The following SLC17A6 variants were observed in gnomAD, a reference collection of about 807,000 sequenced individuals.
SLC17A6 encodes vesicular glutamate transporter 2.
A neutral mutation model predicts 67.1 loss-of-function variants in SLC17A6; 35 were observed. The observed-to-expected ratio is 0.52, with a 90% CI of 0.40 to 0.69. SLC17A6 has a LOEUF of 0.69. Among genes scored for constraint, SLC17A6 ranks in the 30% least tolerant of loss-of-function variants. The probability of loss-of-function intolerance (pLI) is 0.00; values close to 1 mark genes in which losing one functional copy is unlikely to be tolerated. For synonymous variants in SLC17A6, 285 were observed against 252.3 expected (o/e 1.13, Z -1.23); for missense variants, 588 against 723.9 (o/e 0.81, Z 2.15).
At chr11:22,365,746 C>G in intron 7 of SLC17A6, 57 bp downstream of exon 7, 1 of 1,527,840 alleles carries the variant, frequency 6.5e-7, no homozygotes, top group South Asian at 1.3e-5. Flanking sequence ...CCCCCATTGA[C>G]CAACCAAACT....
Position 22,340,041 on chromosome 11 carries a change from G to A in SLC17A6, c.86+1422G>A, listed in dbSNP as rs79498605. 2.3e-3 allele frequency among the ~76,000 whole-genome samples: 346 copies of A among 152,266 alleles called. 4 individuals are homozygous for A. Among genetic ancestry groups the A allele is most frequent in the African/African-American group, 7.4e-3 (308 of 41,558 alleles). On this transcript the variant is annotated intron_variant, in intron 1 of 11. Transcript: ENST00000263160. The stretch of plus-strand genomic sequence containing the variant: ...AATACCTTTATGACTTATTCTCCAG[G>A]TGCTACGTTATAGAATTCGGAAGCC...
At chr11:22,376,735 G>A (rs1199046444) in intron 11 of SLC17A6, 63 bp downstream of exon 11, 9 of 1,561,836 alleles carry the variant, frequency 5.8e-6, no homozygotes, top group Non-Finnish European at 7.9e-6. Context: ...TAATCTTTTT[G>A]GAAAAGAGTT....
chr11:22,367,317 G>A lies in SLC17A6; in HGVS notation c.891+1628G>A, dbSNP rs79375919. Among the ~76,000 whole-genome samples the A allele has an allele frequency of 1.4e-3, 218 of 151,310 alleles. 3 individuals carry two copies. The highest frequency in any genetic ancestry group is 1.5e-3 in the Non-Finnish European group (104 of 67,866). ...AAAGTCTATCACCCATTATTGTTGA[G>A]CCAAATTGGCCCTTAATGAATAAGA... On this transcript the variant is annotated intron_variant, in intron 7 of 11. Transcript: ENST00000263160.
At chr11:22,340,814 C>A (rs1855806371) in intron 1 of SLC17A6, among the ~76,000 whole-genome samples, 1 of 152,034 alleles carries the variant, frequency 6.6e-6, no homozygotes, top group African/African-American at 2.4e-5. Context: ...GAACTAGAGC[C>A]CTGGGGCGGG....
intron 3 of SLC17A6, among the ~76,000 whole-genome samples, chr11:22,349,642 G>A (rs1413664733): frequency 3.3e-5 from 5 of 152,202 alleles, no homozygotes; most frequent in Non-Finnish European, 7.3e-5. Context: ...AGAGAGTCAT[G>A]TGGGCAGCTG....
chr11:22,366,075 C>T (rs1235235847), intron 7 of SLC17A6, among the ~76,000 whole-genome samples: 1 of 151,912 alleles, frequency 6.6e-6, no homozygotes, highest in African/African-American at 2.4e-5. Flanking sequence ...CAGTAGTCCC[C>T]CCGCATCCTG....
intron 3 of SLC17A6, among the ~76,000 whole-genome samples, chr11:22,357,245 A>T (rs1357137634): frequency 6.6e-6 from 1 of 152,212 alleles, no homozygotes; most frequent in Non-Finnish European, 1.5e-5. Context: ...AATAATACCC[A>T]TGTCTCTGGG....
chr11:22,360,893 A>T lies in SLC17A6; in HGVS notation c.574-4A>T, dbSNP rs970667719. 1.7e-5 allele frequency: 27 copies of T among 1,613,312 alleles called. No individual in the cohort carries two copies. The highest frequency in any genetic ancestry group is 2.1e-5 in the Non-Finnish European group (25 of 1,179,452). On this transcript the variant is annotated splice_region_variant and splice_polypyrimidine_tract_variant and intron_variant, in intron 4 of 11. Transcript: ENST00000263160. ...ACAGTGATGAGTATCTTCCCCCATC[A>T]CAGGGTGTGACCTACCCAGCATGTC...
intron 3 of SLC17A6, among the ~76,000 whole-genome samples, chr11:22,347,141 G>GT (rs1226767058): frequency 2.0e-5 from 3 of 150,592 alleles, no homozygotes; most frequent in Non-Finnish European, 3.0e-5. Flanking sequence ...CCATGTTGTT[G>GT]TTTTTTTCAT....
chr11:22,358,692 A>G (rs1488820732), intron 3 of SLC17A6, among the ~76,000 whole-genome samples: 2 of 152,164 alleles, frequency 1.3e-5, no homozygotes. Context: ...TAGATGGATA[A>G]AAGCTTTAGC....
intron 3 of SLC17A6, among the ~76,000 whole-genome samples, chr11:22,346,112 G>A (rs1489426361): frequency 1.3e-5 from 2 of 152,158 alleles, no homozygotes; most frequent in Admixed American, 6.5e-5. Flanking sequence ...AATAGAATGA[G>A]ATTTCCTTTG....
chr11:22,360,533 C>G (rs971157793), intron 4 of SLC17A6, among the ~76,000 whole-genome samples: 3 of 140,070 alleles, frequency 2.1e-5, no homozygotes, highest in African/African-American at 5.0e-5. Flanking sequence ...CCTTCCCCCC[C>G]CCCCAAAAAA....
intron 4 of SLC17A6, among the ~76,000 whole-genome samples, chr11:22,360,335 A>G (rs1856037232): frequency 6.6e-6 from 1 of 152,040 alleles, no homozygotes; most frequent in African/African-American, 2.4e-5. Flanking sequence ...GGGGAAGGGC[A>G]GTGTAGGGAG....
At chr11:22,348,770 T>A (rs1227696166) in intron 3 of SLC17A6, among the ~76,000 whole-genome samples, 2 of 152,230 alleles carry the variant, frequency 1.3e-5, no homozygotes, top group African/African-American at 4.8e-5. Flanking sequence ...TAGTGTACAT[T>A]TGTATTTATA....
intron 1 of SLC17A6, among the ~76,000 whole-genome samples, chr11:22,340,233 A>T (rs1855800116): frequency 6.6e-6 from 1 of 152,228 alleles, no homozygotes; most frequent in Non-Finnish European, 1.5e-5. Context: ...TACACGGTAG[A>T]TTGGAAAAAA....
intron 7 of SLC17A6, among the ~76,000 whole-genome samples, chr11:22,366,379 C>T (rs756727797): frequency 2.6e-5 from 4 of 151,932 alleles, no homozygotes; most frequent in African/African-American, 4.8e-5. Context: ...AAGTTTAATA[C>T]ATGTGTATTT....
chr11:22,377,416 G>A lies in SLC17A6; in HGVS notation c.1425G>A (p.Glu475=), dbSNP rs1421971712. Residue 475 remains glutamate, a synonymous_variant, in exon 12 of 12, where the codon GAG becomes GAA. Coordinates refer to ENST00000263160, the MANE Select transcript of SLC17A6 (RefSeq NM_020346.3). ...TTTTCTCACTGCAGTCACGTGAAGA[G>A]TGGCAGTATGTCTTCCTGATCGCTG... ...GAMTKNKSRE[E]WQYVFLIAAL... 6.2e-7 allele frequency: 1 copy of A among 1,607,902 alleles called. No homozygotes were observed.
intron 3 of SLC17A6, among the ~76,000 whole-genome samples, chr11:22,349,944 G>A (rs1355943805): frequency 6.6e-6 from 1 of 152,164 alleles, no homozygotes; most frequent in African/African-American, 2.4e-5. Flanking sequence ...CTAGTCTCCT[G>A]TTAAGTGACA....
chr11:22,360,751 A>G (rs1161115066), intron 4 of SLC17A6, 146 bp from the exon 5 acceptor site: 1 of 601,966 alleles, frequency 1.7e-6, no homozygotes, highest in Non-Finnish European at 2.8e-6. Flanking sequence ...AAATTGATTA[A>G]TATACAGTCT....
Sources: gnomAD v4.1 joint callset for allele counts (sites outside exome capture counted in the v4.1 genomes callset) on GRCh38, gnomAD v4.1.1 for gene constraint, MANE v1.5 for transcripts, NCBI Gene and HGNC (gene_info 2026-07-23, HGNC 2026-07-21) for gene names.